Variants in SCAMP2 observed in about 807,000 individuals in gnomAD.
The protein encoded by SCAMP2 is secretory carrier membrane protein 2.
A neutral mutation model predicts 44.1 loss-of-function variants in SCAMP2; 25 were observed. That is an observed-to-expected ratio of 0.57 (90% confidence interval 0.41 to 0.79). SCAMP2 has a LOEUF of 0.79. Ranked by LOEUF, SCAMP2 falls within the 30% of genes least tolerant of loss-of-function variation. The probability of loss-of-function intolerance (pLI) is 0.00; values close to 1 mark genes in which losing one functional copy is unlikely to be tolerated. For missense variants in SCAMP2, 355 were observed against 411.0 expected (o/e 0.86, Z 1.18); for synonymous variants, 156 against 166.0 (o/e 0.94, Z 0.46).
intron 1 of SCAMP2, among the ~76,000 whole-genome samples, chr15:74,872,400 G>A (rs186390658): frequency 0.015 from 2,203 of 149,680 alleles, 23 homozygotes; most frequent in South Asian, 0.034. Flanking sequence ...GCGACAAAGC[G>A]AGACTCCGTC....
chr15:74,852,008 G>T, intron 4 of SCAMP2, 61 bp downstream of exon 4: 1 of 1,225,538 alleles, frequency 8.2e-7, no homozygotes, highest in African/African-American at 1.5e-5. Flanking sequence ...CCTCCGCACA[G>T]GTTTCAGGAC....
At chr15:74,872,205 G>A (rs978809999) in intron 1 of SCAMP2, among the ~76,000 whole-genome samples, 1 of 151,994 alleles carries the variant, frequency 6.6e-6, no homozygotes, top group Non-Finnish European at 1.5e-5. Context: ...CTGAGGTCAG[G>A]AGTTTGAGAC....
At chr15:74,865,074 CAAAAAAAAAA>C (rs36079981) in intron 1 of SCAMP2, among the ~76,000 whole-genome samples, 4 of 32,824 alleles carry the variant, frequency 1.2e-4, no homozygotes, top group Non-Finnish European at 2.1e-4. Context: ...GACTCTATCT[CAAAAAAAAAA>C]AAAAAAAAAA....
intron 1 of SCAMP2, among the ~76,000 whole-genome samples, chr15:74,865,526 T>C (rs569879684): frequency 1.3e-5 from 2 of 151,808 alleles, no homozygotes; most frequent in East Asian, 1.9e-4. Context: ...AGGTTGGAGA[T>C]AGCTGTGGAA....
At chr15:74,852,208 C>T in intron 3 of SCAMP2, 22 bp from the exon 4 acceptor site, 1 of 1,440,674 alleles carries the variant, frequency 6.9e-7, no homozygotes, top group Non-Finnish European at 9.2e-7. Flanking sequence ...AGGGGAGGTA[C>T]AGGGACAGCC....
intron 1 of SCAMP2, among the ~76,000 whole-genome samples, chr15:74,856,915 C>T (rs907723204): frequency 2.0e-5 from 3 of 152,146 alleles, no homozygotes; most frequent in African/African-American, 7.2e-5. Flanking sequence ...TTGTTAAATA[C>T]AATGCTAATA....
At chr15:74,849,845 A>G (rs374352442) in intron 6 of SCAMP2, among the ~76,000 whole-genome samples, 6 of 31,226 alleles carry the variant, frequency 1.9e-4, no homozygotes, top group South Asian at 3.0e-3. Context: ...TTTGGGAAAC[A>G]GGGGACACCA....
intron 7 of SCAMP2, among the ~76,000 whole-genome samples, chr15:74,846,505 C>T (rs1169210964): frequency 2.0e-5 from 3 of 151,230 alleles, no homozygotes; most frequent in Admixed American, 2.0e-4. Context: ...GGCTCAAGCC[C>T]GTAATCCCAA....
chr15:74,854,474 T>C, intron 2 of SCAMP2, 107 bp downstream of exon 2: 1 of 937,372 alleles, frequency 1.1e-6, no homozygotes, highest in Admixed American at 2.0e-5. Context: ...CTTTGAGGAC[T>C]GCCGCTTCTC....
intron 1 of SCAMP2, among the ~76,000 whole-genome samples, chr15:74,855,588 T>C (rs2064463612): frequency 6.6e-6 from 1 of 151,892 alleles, no homozygotes; most frequent in African/African-American, 2.4e-5. Flanking sequence ...TGGTGGCGCA[T>C]GCCTGTAATC....
chr15:74,851,978 C>G (rs925903384), intron 4 of SCAMP2, 91 bp downstream of exon 4: 2 of 804,358 alleles, frequency 2.5e-6, no homozygotes, highest in African/African-American at 3.5e-5. Flanking sequence ...TAAGGCAGCT[C>G]AGGGTGAATG....
At chr15:74,860,869 T>C (rs1596419837) in intron 1 of SCAMP2, among the ~76,000 whole-genome samples, 1 of 146,334 alleles carries the variant, frequency 6.8e-6, no homozygotes, top group Non-Finnish European at 1.5e-5. Context: ...AAATAAACAA[T>C]AATAATAATA....
intron 1 of SCAMP2, among the ~76,000 whole-genome samples, chr15:74,871,581 C>T (rs2064575566): frequency 6.6e-6 from 1 of 151,906 alleles, no homozygotes; most frequent in Admixed American, 6.6e-5. Flanking sequence ...GGAGAAACCC[C>T]GTCTCTACTA....
intron 1 of SCAMP2, among the ~76,000 whole-genome samples, chr15:74,871,753 A>C (rs1168832694): frequency 1.4e-5 from 2 of 147,568 alleles, no homozygotes; most frequent in Non-Finnish European, 3.0e-5. Flanking sequence ...ACTCTGTCTC[A>C]AAAAAAAGAG....
At chr15:74,854,535 C>A in intron 2 of SCAMP2, 46 bp downstream of exon 2, 1 of 1,508,424 alleles carries the variant, frequency 6.6e-7, no homozygotes, top group Non-Finnish European at 9.1e-7. Flanking sequence ...ACCCCAGCAC[C>A]ACCCTAGAGG....
chr15:74,844,974 C>T lies in SCAMP2; in HGVS notation c.*109G>A. The T allele has an allele frequency of 7.7e-7, 1 of 1,306,668 alleles. No homozygotes were observed. The highest frequency in any genetic ancestry group is 1.0e-6 in the Non-Finnish European group (1 of 952,718). The allele number at this position is 1,306,668 out of a possible 1,614,324, so 80.9% of individuals were successfully genotyped here. A position where few individuals can be genotyped will look rare whatever the true frequency, so the allele number is the denominator to read the frequency against. On this transcript the variant is annotated 3_prime_UTR_variant, in exon 9 of 9. Transcript: ENST00000268099. The stretch of plus-strand genomic sequence containing the variant: ...GGAGGAGGAAGAGCCACGGCAAGAA[C>T]CCTGCCAGGTCTGTGCTGGGCACAA...
chr15:74,854,647 A>T lies in SCAMP2; in HGVS notation c.60T>A (p.Asp20Glu). The T allele has an allele frequency of 6.2e-7, 1 of 1,608,430 alleles. No individual in the cohort carries two copies. The highest frequency in any genetic ancestry group is 8.5e-7 in the Non-Finnish European group (1 of 1,177,490). The change falls in exon 2 of 9, where the codon GAT (aspartate) becomes GAA (glutamate). Residue 20 changes from aspartate (D) to glutamate (E), a missense_variant and splice_region_variant. Physicochemically the swap from Asp to Glu is conservative, Grantham distance 45. Transcript: ENST00000268099. ...CGTTGGTCAGCTGGGTCACAGAGGG[A>T]TCCTGAGAAGGTGAAAAAAAGCCCT... is the stretch of plus-strand genomic sequence containing the variant. ...ADPVDVNPFQ[D>E]PSVTQLTNAP...
At chr15:74,864,602 C>T (rs2064530265) in intron 1 of SCAMP2, among the ~76,000 whole-genome samples, 1 of 152,024 alleles carries the variant, frequency 6.6e-6, no homozygotes, top group Admixed American at 6.6e-5. Context: ...AGGACAACAG[C>T]GGGAAGACTG....
At chr15:74,851,557 A>C in intron 4 of SCAMP2, 76 bp from the exon 5 acceptor site, 1 of 1,583,596 alleles carries the variant, frequency 6.3e-7, no homozygotes. Flanking sequence ...ACGCCAGCAT[A>C]GTGTATGGGC....
Sources: gnomAD v4.1 joint callset for allele counts (sites outside exome capture counted in the v4.1 genomes callset) on GRCh38, gnomAD v4.1.1 for gene constraint, MANE v1.5 for transcripts, NCBI Gene and HGNC (gene_info 2026-07-23, HGNC 2026-07-21) for gene names.